The following TM7SF3 variants were observed in gnomAD, a reference collection of about 807,000 sequenced individuals.
The protein encoded by TM7SF3 is transmembrane 7 superfamily member 3.
TM7SF3 carries 60 observed loss-of-function variants against 65.5 expected under a neutral mutation model. That is an observed-to-expected ratio of 0.92 (90% CI 0.74 to 1.14). TM7SF3 has a LOEUF of 1.14. TM7SF3 is among the 50% of genes most tolerant of loss of function. The pLI is 0.00. For synonymous variants in TM7SF3, 264 were observed against 259.6 expected (o/e 1.02, Z -0.16); for missense variants, 623 against 684.8 (o/e 0.91, Z 1.01).
chr12:27,007,869 T>C (rs1238674164), intron 1 of TM7SF3, among the ~76,000 whole-genome samples: 1 of 152,214 alleles, frequency 6.6e-6, no homozygotes. Context: ...AAAATCAGCA[T>C]TATGTTTGTG....
chr12:26,993,052 C>T (rs754415693), intron 5 of TM7SF3, among the ~76,000 whole-genome samples: 5 of 151,856 alleles, frequency 3.3e-5, no homozygotes, highest in South Asian at 2.1e-4. Flanking sequence ...ACTACAGGCA[C>T]GCACCACCAC....
intron 1 of TM7SF3, among the ~76,000 whole-genome samples, chr12:27,011,670 G>A (rs1941249041): frequency 6.6e-6 from 1 of 152,154 alleles, no homozygotes; most frequent in African/African-American, 2.4e-5. Flanking sequence ...CCTGAACTAT[G>A]TCCTTCTACC....
intron 5 of TM7SF3, 22 bp downstream of exon 5, chr12:26,995,215 A>G (rs749425044): frequency 3.7e-6 from 6 of 1,601,898 alleles, no homozygotes; most frequent in Non-Finnish European, 5.1e-6. Context: ...CCAGCCACAC[A>G]AATCATGGGA....
Position 26,974,029 on chromosome 12 carries a change from G to T in TM7SF3, c.1649C>A (p.Thr550Asn). Residue 550 changes from threonine (T) to asparagine (N), a missense_variant, in exon 12 of 12, where the codon ACC becomes AAC. Transcript: ENST00000343028. ...CTTCTGGAAGAGCCCTTTAATCTGGGTTAATCGGCCATAGAGCCTCTCTCT... is the reference window on the plus strand; with the variant it reads ...CTTCTGGAAGAGCCCTTTAATCTGGTTTAATCGGCCATAGAGCCTCTCTCT... ...PLRERLYGRL[T>N]QIKGLFQKEQ... 6.2e-7 allele frequency: 1 copy of T among 1,614,164 alleles called. No individual in the cohort carries two copies. Among genetic ancestry groups the T allele is most frequent in the Non-Finnish European group, 8.5e-7 (1 of 1,180,034 alleles).
At chr12:26,991,018 A>G (rs1057504353) in intron 5 of TM7SF3, among the ~76,000 whole-genome samples, 2 of 152,218 alleles carry the variant, frequency 1.3e-5, no homozygotes, top group African/African-American at 2.4e-5. Flanking sequence ...GATGTGTCCA[A>G]TGTTAGCCAC....
Position 26,999,561 on chromosome 12 carries a change from T to C in TM7SF3, c.362A>G (p.Gln121Arg). 1 of 1,614,200 alleles carries C rather than the reference T, an allele frequency of 6.2e-7. No individual in the cohort carries two copies. Among genetic ancestry groups the C allele is most frequent in the South Asian group, 1.1e-5 (1 of 91,076 alleles). The part of the protein sequence containing the change: ...YLGTSGIQPV[Q>R]NMAILLSYSE... ...GTAGGAGAGTAGGATAGCCATATTCTGGACAGGCTGTATGCCTGAAGTCCC... is the reference window on the plus strand; with the variant it reads ...GTAGGAGAGTAGGATAGCCATATTCCGGACAGGCTGTATGCCTGAAGTCCC... Residue 121 changes from glutamine to arginine, a missense_variant, in exon 3 of 12, where the codon CAG becomes CGG. Coordinates refer to ENST00000343028, the MANE Select transcript of TM7SF3 (RefSeq NM_016551.3).
chr12:26,985,366 G>A (rs369338241), intron 6 of TM7SF3, among the ~76,000 whole-genome samples: 14 of 151,742 alleles, frequency 9.2e-5, no homozygotes, highest in South Asian at 2.1e-4. Flanking sequence ...GCAAGGTGGC[G>A]CACACCTGTA....
At chr12:26,974,275 T>G (rs766368101) in intron 11 of TM7SF3, 48 bp from the exon 12 acceptor site, 2 of 1,565,334 alleles carry the variant, frequency 1.3e-6, no homozygotes, top group Non-Finnish European at 1.7e-6. Context: ...TATTTTAAAA[T>G]CTAACATAAT....
At chr12:27,003,923 C>G (rs1940933112) in intron 1 of TM7SF3, among the ~76,000 whole-genome samples, 1 of 152,144 alleles carries the variant, frequency 6.6e-6, no homozygotes, top group African/African-American at 2.4e-5. Context: ...CTAATGGAGA[C>G]TGCAAAGGAA....
At chr12:27,010,678 A>T (rs1941212356) in intron 1 of TM7SF3, among the ~76,000 whole-genome samples, 1 of 152,254 alleles carries the variant, frequency 6.6e-6, no homozygotes, top group African/African-American at 2.4e-5. Flanking sequence ...ACAGCACATC[A>T]AAAGATATTA....
rs934663163 is a variant in TM7SF3, at chr12:26,973,792, C to A, written c.*173G>T. The stretch of plus-strand genomic sequence containing the variant: ...TTTGGTCATCTTTCTCATTCTCTTA[C>A]AATCATCCTAATCCCCTAGTACACC... On this transcript the variant is annotated 3_prime_UTR_variant, in exon 12 of 12. Coordinates refer to ENST00000343028, the MANE Select transcript of TM7SF3 (RefSeq NM_016551.3). The A allele has an allele frequency of 3.1e-5, 24 of 765,052 alleles. No homozygotes were observed. The East Asian group carries it at 6.7e-4, about 21-fold the overall frequency. The allele number at this position is 765,052 out of a possible 1,614,324, so 47.4% of individuals were successfully genotyped here. A position where few individuals can be genotyped will look rare whatever the true frequency, so the allele number is the denominator to read the frequency against.
At chr12:26,985,200 C>T (rs781078906) in intron 6 of TM7SF3, among the ~76,000 whole-genome samples, 3 of 152,004 alleles carry the variant, frequency 2.0e-5, no homozygotes, top group Non-Finnish European at 2.9e-5. Flanking sequence ...TTCAGTCCAT[C>T]GGTTAAAAAT....
chr12:26,976,659 G>C (rs1450853083), intron 9 of TM7SF3, among the ~76,000 whole-genome samples: 6 of 152,196 alleles, frequency 3.9e-5, no homozygotes, highest in Non-Finnish European at 4.4e-5. Flanking sequence ...CTGTGAACTT[G>C]AGCCTCAGTT....
intron 1 of TM7SF3, among the ~76,000 whole-genome samples, chr12:27,009,512 C>T (rs986747257): frequency 7.8e-4 from 118 of 152,042 alleles, no homozygotes; most frequent in African/African-American, 2.7e-3. Flanking sequence ...TCCCAGAATA[C>T]GTAATGTTTC....
chr12:26,983,296 A>G (rs1565870263), intron 6 of TM7SF3, among the ~76,000 whole-genome samples: 3 of 152,182 alleles, frequency 2.0e-5, no homozygotes, highest in Non-Finnish European at 4.4e-5. Context: ...AAGACACATC[A>G]ACTAAATACT....
intron 4 of TM7SF3, among the ~76,000 whole-genome samples, chr12:26,995,863 T>C (rs1477517555): frequency 6.6e-6 from 1 of 152,132 alleles, no homozygotes; most frequent in South Asian, 2.1e-4. Flanking sequence ...TCTAGAACCA[T>C]GAGAAAGAAG....
At chr12:27,008,664 A>G (rs1263068922) in intron 1 of TM7SF3, among the ~76,000 whole-genome samples, 1 of 152,220 alleles carries the variant, frequency 6.6e-6, no homozygotes, top group Non-Finnish European at 1.5e-5. Flanking sequence ...ATTTAGAGCT[A>G]AAAATCAAGC....
At chr12:27,012,576 C>G (rs1005618099) in intron 1 of TM7SF3, 1 of 455,424 alleles carries the variant, frequency 2.2e-6, no homozygotes, top group Non-Finnish European at 4.4e-6. Flanking sequence ...ACATGATGAT[C>G]TGCCTGGCAC....
chr12:27,006,430 C>A (rs992538726), intron 1 of TM7SF3, among the ~76,000 whole-genome samples: 1 of 152,086 alleles, frequency 6.6e-6, no homozygotes, highest in African/African-American at 2.4e-5. Flanking sequence ...AGCCACCACG[C>A]CAGGCCAACT....
Sources: gnomAD v4.1 joint callset for allele counts (sites outside exome capture counted in the v4.1 genomes callset) on GRCh38, gnomAD v4.1.1 for gene constraint, MANE v1.5 for transcripts, NCBI Gene and HGNC (gene_info 2026-07-23, HGNC 2026-07-21) for gene names.